GABRB2: variants seen among roughly 807,000 people sequenced by gnomAD.
GABRB2 encodes the protein gamma-aminobutyric acid type A receptor subunit beta2.
GABRB2 carries 16 observed loss-of-function variants against 54.7 expected under a neutral mutation model. The ratio of observed to expected loss-of-function variants is 0.29; its 90% CI spans 0.20 to 0.44. The LOEUF (loss-of-function observed/expected upper bound fraction) is 0.44. Among genes scored for constraint, GABRB2 ranks in the 20% least tolerant of loss-of-function variants. The pLI is 1.00. For synonymous variants in GABRB2, 244 were observed against 233.8 expected (o/e 1.04, Z -0.40); for missense variants, 355 against 644.0 (o/e 0.55, Z 4.86).
chr5:161,461,136 C>G (rs1349856334), intron 3 of GABRB2, among the ~76,000 whole-genome samples: 1 of 152,140 alleles, frequency 6.6e-6, no homozygotes, highest in Non-Finnish European at 1.5e-5. Context: ...AAGTGGCTAA[C>G]TTATTATGGT....
intron 3 of GABRB2, among the ~76,000 whole-genome samples, chr5:161,488,409 T>C (rs933691893): frequency 6.6e-6 from 1 of 151,658 alleles, no homozygotes; most frequent in Non-Finnish European, 1.5e-5. Flanking sequence ...CTCACTGTGG[T>C]CTTTAGTCTT....
At chr5:161,486,934 T>A (rs1001733024) in intron 3 of GABRB2, among the ~76,000 whole-genome samples, 1 of 151,892 alleles carries the variant, frequency 6.6e-6, no homozygotes, top group African/African-American at 2.4e-5. Flanking sequence ...AGAAAGAATC[T>A]TTACCAAATC....
chr5:161,307,274 T>C (rs995720561), intron 9 of GABRB2, among the ~76,000 whole-genome samples: 4 of 152,318 alleles, frequency 2.6e-5, no homozygotes, highest in Admixed American at 1.3e-4. Flanking sequence ...TTATTTCCAT[T>C]TATAATTATA....
chr5:161,515,382 C>A (rs574439000), intron 3 of GABRB2, among the ~76,000 whole-genome samples: 2 of 152,066 alleles, frequency 1.3e-5, no homozygotes, highest in South Asian at 2.1e-4. Context: ...GTTTGCAAAA[C>A]AGATCTTTTT....
chr5:161,311,177 C>G (rs1757858150), intron 9 of GABRB2, among the ~76,000 whole-genome samples: 1 of 152,110 alleles, frequency 6.6e-6, no homozygotes, highest in African/African-American at 2.4e-5. Flanking sequence ...ATTTGACATA[C>G]CAGGCATGGA....
intron 5 of GABRB2, among the ~76,000 whole-genome samples, chr5:161,395,744 G>C (rs1156299914): frequency 6.6e-6 from 1 of 152,002 alleles, no homozygotes; most frequent in Non-Finnish European, 1.5e-5. Flanking sequence ...AAATCCTTGA[G>C]GCTATTCAAG....
chr5:161,395,266 C>G (rs1379066212), intron 5 of GABRB2, among the ~76,000 whole-genome samples: 4 of 152,042 alleles, frequency 2.6e-5, no homozygotes, highest in African/African-American at 9.7e-5. Context: ...CATTTTTCCC[C>G]TTCTATCTTT....
chr5:161,425,564 A>G (rs1487580540), intron 4 of GABRB2, among the ~76,000 whole-genome samples: 2 of 152,138 alleles, frequency 1.3e-5, no homozygotes, highest in African/African-American at 4.8e-5. Flanking sequence ...TGCACAGAAT[A>G]CACTACAGTA....
chr5:161,461,369 G>A (rs1235002029), intron 3 of GABRB2, among the ~76,000 whole-genome samples: 1 of 152,166 alleles, frequency 6.6e-6, no homozygotes, highest in African/African-American at 2.4e-5. Flanking sequence ...TGTAATGTGA[G>A]CATTGCTCTT....
Position 161,291,848 on chromosome 5 carries a change from A to AGTTATCAAT in GABRB2, c.*2224_*2232dup, listed in dbSNP as rs1342859969. On this transcript the variant is annotated 3_prime_UTR_variant, in exon 10 of 10. Coordinates refer to ENST00000393959, the MANE Select transcript of GABRB2 (RefSeq NM_001371727.1). ...ATGGCATTTTGGAGTTGTGCCCCTG[A>AGTTATCAAT]GTTATCAATATGTTCCTTCCTGATG... The AGTTATCAAT allele has an allele frequency of 2.1e-4, 32 of 152,570 alleles. No homozygotes were observed. Among genetic ancestry groups the AGTTATCAAT allele is most frequent in the African/African-American group, 7.7e-4 (32 of 41,520 alleles). 9.5% of individuals were successfully genotyped at this position (152,570 alleles called of 1,614,324 possible).
At chr5:161,346,977 T>C (rs1171176499) in intron 5 of GABRB2, among the ~76,000 whole-genome samples, 1 of 152,098 alleles carries the variant, frequency 6.6e-6, no homozygotes, top group Non-Finnish European at 1.5e-5. Context: ...AAAGGGCTCA[T>C]GTAAATAGCA....
At chr5:161,405,935 A>G (rs1331727125) in intron 5 of GABRB2, among the ~76,000 whole-genome samples, 2 of 152,052 alleles carry the variant, frequency 1.3e-5, no homozygotes, top group African/African-American at 2.4e-5. Flanking sequence ...TTGCCTTTAT[A>G]TAATGTACAA....
intron 5 of GABRB2, among the ~76,000 whole-genome samples, chr5:161,371,682 C>A (rs1332171894): frequency 6.6e-6 from 1 of 151,942 alleles, no homozygotes; most frequent in Non-Finnish European, 1.5e-5. Flanking sequence ...ATACTAGAAC[C>A]AAGGGAAAGC....
At chr5:161,362,468 G>C (rs1222725476) in intron 5 of GABRB2, among the ~76,000 whole-genome samples, 2 of 151,924 alleles carry the variant, frequency 1.3e-5, no homozygotes, top group Non-Finnish European at 2.9e-5. Context: ...CGTAGGTATG[G>C]GTAAAGACTT....
intron 3 of GABRB2, among the ~76,000 whole-genome samples, chr5:161,467,955 T>C (rs926603532): frequency 2.0e-5 from 3 of 152,104 alleles, no homozygotes; most frequent in African/African-American, 7.2e-5. Context: ...AAAATGTGCA[T>C]ATTCTTTGCT....
intron 3 of GABRB2, among the ~76,000 whole-genome samples, chr5:161,516,588 T>C (rs1032302538): frequency 2.0e-5 from 3 of 152,206 alleles, no homozygotes; most frequent in African/African-American, 7.2e-5. Flanking sequence ...GGCAACGTTG[T>C]TTTTGATATG....
intron 4 of GABRB2, among the ~76,000 whole-genome samples, chr5:161,444,295 T>G (rs1489139315): frequency 6.6e-6 from 1 of 152,136 alleles, no homozygotes; most frequent in East Asian, 1.9e-4. Context: ...AAAAGTTACA[T>G]ACATTTTAGT....
chr5:161,360,079 T>C (rs925725216), intron 5 of GABRB2, among the ~76,000 whole-genome samples: 2 of 37,822 alleles, frequency 5.3e-5, no homozygotes, highest in Admixed American at 3.5e-4. Flanking sequence ...CGAGACTCCG[T>C]CTAAAAAAAA....
At chr5:161,327,950 C>T (rs10515827) in intron 8 of GABRB2, among the ~76,000 whole-genome samples, 18,427 of 152,180 alleles carry the variant, frequency 0.12, 1,535 homozygotes, top group Non-Finnish European at 0.19. Flanking sequence ...AAGGACAGCA[C>T]CGCATAATCA....
Sources: allele counts gnomAD v4.1 joint callset (sites outside exome capture counted in the v4.1 genomes callset), GRCh38; gene constraint gnomAD v4.1.1; transcripts MANE v1.5; gene names NCBI Gene and HGNC (gene_info 2026-07-23, HGNC 2026-07-21).